DIP2A: variants seen among roughly 807,000 people sequenced by gnomAD.
DIP2A encodes the protein DIP2 acetate--CoA ligase A.
In DIP2A, 85 loss-of-function variants were observed where a neutral mutation model predicts 177.4. The ratio of observed to expected loss-of-function variants is 0.48; its 90% CI spans 0.40 to 0.57. The LOEUF is 0.57. DIP2A is among the 20% of genes least tolerant of loss of function. The pLI is 0.00. For missense variants in DIP2A, 1,791 were observed against 2,100.2 expected, an observed-to-expected ratio of 0.85 and a Z score of 2.88; for synonymous variants, 886 against 881.8, an observed-to-expected ratio of 1.00 and a Z score of -0.08.
At chr21:46,478,479 T>G (rs1261786124) in intron 1 of DIP2A, among the ~76,000 whole-genome samples, 1 of 152,184 alleles carries the variant, frequency 6.6e-6, no homozygotes, top group African/African-American at 2.4e-5. Context: ...CCCAAAGTGC[T>G]GGGATTACAG....
Position 46,563,629 on chromosome 21 carries a change from A to C in DIP2A, c.4090-229A>C. ...CCTCTGCCCCTCCTGACACCCAGAGACGGGATCCCTTCTCAGGAACTGGAG... is the reference window on the plus strand; with the variant it reads ...CCTCTGCCCCTCCTGACACCCAGAGCCGGGATCCCTTCTCAGGAACTGGAG... On this transcript the variant is annotated intron_variant, in intron 34 of 37. Coordinates refer to ENST00000417564, the MANE Select transcript of DIP2A (RefSeq NM_015151.4). This position sits in a 1 kb window ranked among gnomAD's most constrained non-coding sequence, Gnocchi z 4.3. The C allele has an allele frequency of 1.5e-6, 1 of 657,606 alleles. No homozygotes were observed. Among genetic ancestry groups the C allele is most frequent in the Non-Finnish European group, 2.4e-6 (1 of 420,908 alleles). The allele number at this position is 657,606 out of a possible 1,614,324, so 40.7% of individuals were successfully genotyped here.
rs2056576451 is a variant in DIP2A, at chr21:46,484,765, A to G, written c.100A>G (p.Thr34Ala). The G allele has an allele frequency of 1.9e-6, 3 of 1,571,488 alleles. No individual in the cohort carries two copies. The highest frequency in any genetic ancestry group is 2.6e-6 in the Non-Finnish European group (3 of 1,159,078). ...LELELSEGDITQKGYEKKRAK... is the reference protein window; with the variant it reads ...LELELSEGDIAQKGYEKKRAK... ...TTCCATTGTTGTTTTAGGTGACATC[A>G]CTCAAAAAGGATATGAAAAGAAAAG... The change falls in exon 2 of 38, where the codon ACT (threonine) becomes GCT (alanine). Residue 34 changes from threonine (T) to alanine (A), a missense_variant. Coordinates refer to ENST00000417564, the MANE Select transcript of DIP2A (RefSeq NM_015151.4).
chr21:46,551,654 A>G lies in DIP2A; in HGVS notation c.2860A>G (p.Ile954Val). The change falls in exon 24 of 38, where the codon ATC becomes GTC. Residue 954 changes from isoleucine to valine, a missense_variant. Ile to Val is a conservative substitution (Grantham distance 29, BLOSUM62 3). Transcript: ENST00000417564. The part of the protein sequence containing the change: ...KQPEVGPASM[I>V]VGNLVAGKRI... ...TCTAGAGGTTGGACCAGCCTCAATG[A>G]TCGTGGGGAACCTGGTTGCTGGGAA... is the stretch of plus-strand genomic sequence containing the variant. The G allele has an allele frequency of 6.2e-7, 1 of 1,614,008 alleles. No homozygotes were observed. The highest frequency in any genetic ancestry group is 8.5e-7 in the Non-Finnish European group (1 of 1,179,896).
chr21:46,474,468 G>T lies in DIP2A; in HGVS notation c.92-10289G>T, dbSNP rs894648363. ...ATACGGGAAAGGCAGAGAAGGGAGA[G>T]ACTGCAGGGAAGACTGAGGAAGGAG... On this transcript the variant is annotated intron_variant, in intron 1 of 37. Transcript: ENST00000417564. Among the ~76,000 whole-genome samples, 3 of 152,178 alleles carry T rather than the reference G, an allele frequency of 2.0e-5. No homozygotes were observed. The East Asian group carries it at 5.8e-4, about 29-fold the overall frequency.
intron 8 of DIP2A, among the ~76,000 whole-genome samples, chr21:46,520,504 T>A (rs7282515): frequency 6.6e-6 from 1 of 152,004 alleles, no homozygotes; most frequent in African/African-American, 2.4e-5. Flanking sequence ...TCCTCTATTC[T>A]AATGTCGCAA....
intron 1 of DIP2A, among the ~76,000 whole-genome samples, chr21:46,473,808 G>A (rs1034445651): frequency 3.3e-5 from 5 of 152,134 alleles, no homozygotes; most frequent in African/African-American, 1.2e-4. Context: ...GAACCACTGC[G>A]CCTGGCCAGG....
At chr21:46,513,669 T>C (rs1380109029) in intron 8 of DIP2A, among the ~76,000 whole-genome samples, 1 of 152,196 alleles carries the variant, frequency 6.6e-6, no homozygotes, top group African/African-American at 2.4e-5. Context: ...AATTAATGTT[T>C]TATAGGTTGA....
the DIP2A span, among the ~76,000 whole-genome samples, chr21:46,579,435 T>C: frequency 6.6e-6 from 1 of 152,210 alleles, no homozygotes; most frequent in Non-Finnish European, 1.5e-5. Context: ...TGAAGGGTTT[T>C]TCACGTCTCT....
chr21:46,578,608 G>A, the DIP2A span, among the ~76,000 whole-genome samples: 2 of 152,104 alleles, frequency 1.3e-5, no homozygotes, highest in Admixed American at 1.3e-4. Flanking sequence ...ATAAGTGGCT[G>A]TTATTATTTT....
At chr21:46,481,547 GT>G (rs2056343313) in intron 1 of DIP2A, among the ~76,000 whole-genome samples, 1 of 152,190 alleles carries the variant, frequency 6.6e-6, no homozygotes, top group Non-Finnish European at 1.5e-5. Flanking sequence ...GTTTTCCAGA[GT>G]GGCTATACCA....
chr21:46,569,688 TA>T lies in DIP2A; in HGVS notation c.*2070del, dbSNP rs1372388897. On this transcript the variant is annotated 3_prime_UTR_variant, in exon 38 of 38. Coordinates refer to ENST00000417564, the MANE Select transcript of DIP2A (RefSeq NM_015151.4). ...TAAAATTTTTATATCATTATGTTAA[TA>T]AAAGTTATTGACTTTGTAATTCTGC... is the stretch of plus-strand genomic sequence containing the variant. 1 of 152,200 alleles carries T rather than the reference TA, an allele frequency of 6.6e-6. No homozygotes were observed. The highest frequency in any genetic ancestry group is 1.5e-5 in the Non-Finnish European group (1 of 68,038). The allele number at this position is 152,200 out of a possible 1,614,324, so 9.4% of individuals were successfully genotyped here. A position where few individuals can be genotyped will look rare whatever the true frequency, so the allele number is the denominator to read the frequency against.
Position 46,459,122 on chromosome 21 carries a change from C to A in DIP2A, c.-10C>A, listed in dbSNP as rs1251615765. On this transcript the variant is annotated 5_prime_UTR_variant, in exon 1 of 38. Coordinates refer to ENST00000417564, the MANE Select transcript of DIP2A (RefSeq NM_015151.4). ...TTCCAGCCTCTGCCCGGACGCTAGC[C>A]GGCCTGGCCATGGCTGACCGCGGGT... 1 of 1,487,274 alleles carries A rather than the reference C, an allele frequency of 6.7e-7. No homozygotes were observed. Among genetic ancestry groups the A allele is most frequent in the Non-Finnish European group, 8.9e-7 (1 of 1,121,442 alleles). 92.1% of individuals were successfully genotyped at this position (1,487,274 alleles called of 1,614,324 possible). A position where few individuals can be genotyped will look rare whatever the true frequency, so the allele number is the denominator to read the frequency against.
chr21:46,494,463 G>C (rs2057194134), intron 3 of DIP2A, among the ~76,000 whole-genome samples: 1 of 152,226 alleles, frequency 6.6e-6, no homozygotes, highest in Non-Finnish European at 1.5e-5. Context: ...TTGAAAACCA[G>C]TGATTTTTCT....
intron 13 of DIP2A, among the ~76,000 whole-genome samples, chr21:46,535,832 C>T (rs1401187210): frequency 6.6e-6 from 1 of 152,150 alleles, no homozygotes; most frequent in East Asian, 1.9e-4. Context: ...GTCCCAGCTA[C>T]TCGGGAAGCT....
At chr21:46,552,850 A>C (rs1036285762) in intron 25 of DIP2A, 1 of 152,264 alleles carries the variant, frequency 6.6e-6, no homozygotes, top group Non-Finnish European at 1.5e-5. Flanking sequence ...AAAGCCTACA[A>C]ACCAGCCAGT....
chr21:46,490,692 G>A lies in DIP2A; in HGVS notation c.256G>A (p.Ala86Thr), dbSNP rs781249841. 45 of 1,585,824 alleles carry A rather than the reference G, an allele frequency of 2.8e-5. No individual in the cohort carries two copies. In the African/African-American group the frequency reaches 3.2e-4, roughly 11 times the overall value. Reference protein sequence around the residue: ...APKQQKSRPTASRDERFRSDV... With the variant: ...APKQQKSRPTTSRDERFRSDV... ...CAAGCAGCAGAAGTCTCGGCCCACC[G>A]CCTCGAGGGATGAGCGCTTCCGGTC... The change falls in exon 3 of 38, where the codon GCC (alanine) becomes ACC (threonine). Residue 86 changes from alanine to threonine, a missense_variant. By Grantham distance (58) the Ala-to-Thr change is moderately conservative (BLOSUM62 0). Coordinates refer to ENST00000417564, the MANE Select transcript of DIP2A (RefSeq NM_015151.4).
chr21:46,506,504 G>A (rs1034163309), intron 6 of DIP2A, among the ~76,000 whole-genome samples: 2 of 152,140 alleles, frequency 1.3e-5, no homozygotes, highest in Admixed American at 6.6e-5. Flanking sequence ...GAGAGTATCA[G>A]TTCCTCCACA....
At position 46,541,941 on chromosome 21, in the gene DIP2A, G is replaced by A. The variant is rs368255967; in HGVS notation, c.2176+46G>A. 15 of 1,611,442 alleles carry A rather than the reference G, an allele frequency of 9.3e-6. No homozygotes were observed. The African/African-American group carries it at 1.7e-4, about 19-fold the overall frequency. ...GGGTCTTTGTCCATGACTGATTGAG[G>A]TAACGAAAAGGGTTTTGTTTTGTTT... On this transcript the variant is annotated intron_variant, in intron 18 of 37. Transcript: ENST00000417564.
At chr21:46,502,647 C>A (rs1228882684) in intron 5 of DIP2A, among the ~76,000 whole-genome samples, 1 of 151,898 alleles carries the variant, frequency 6.6e-6, no homozygotes, top group Non-Finnish European at 1.5e-5. Context: ...AGGGTTTCAC[C>A]GTGTTGGCCA....
Sources: gnomAD v4.1 joint callset for allele counts (sites outside exome capture counted in the v4.1 genomes callset) on GRCh38, gnomAD v4.1.1 for gene constraint, Gnocchi (gnomAD v3.1) non-coding constraint, MANE v1.5 for transcripts, NCBI Gene and HGNC (gene_info 2026-07-23, HGNC 2026-07-21) for gene names.